The following CPT1A variants were observed in gnomAD, a reference collection of about 807,000 sequenced individuals.
CPT1A encodes carnitine palmitoyltransferase 1A.
Under a neutral mutation model 100.8 loss-of-function variants are expected in CPT1A, and 64 were observed. The ratio of observed to expected loss-of-function variants is 0.63; its 90% CI spans 0.52 to 0.78. The LOEUF (loss-of-function observed/expected upper bound fraction) is 0.78. CPT1A is among the 30% of genes least tolerant of loss of function. CPT1A has a pLI of 0.00. For missense variants in CPT1A, 802 were observed against 1,034.1 expected (o/e 0.78, Z 3.08); for synonymous variants, 363 against 396.0 (o/e 0.92, Z 0.99).
chr11:68,790,279 C>T (rs1432887020), intron 9 of CPT1A, among the ~76,000 whole-genome samples: 1 of 152,086 alleles, frequency 6.6e-6, no homozygotes, highest in East Asian at 1.9e-4. Flanking sequence ...CCATGTTGCC[C>T]AGGCTGCTCT....
rs373839102 is a variant in CPT1A at position 68,795,033 on chromosome 11, C to T, written c.772-122G>A. The T allele has an allele frequency of 1.7e-4, 130 of 760,664 alleles. 1 individual carries two copies. The highest frequency in any genetic ancestry group is 1.6e-3 in the South Asian group (114 of 69,880). The allele number at this position is 760,664 out of a possible 1,614,324, so 47.1% of individuals were successfully genotyped here. A position where few individuals can be genotyped will look rare whatever the true frequency, so the allele number is the denominator to read the frequency against. On this transcript the variant is annotated intron_variant, in intron 7 of 18. Transcript: ENST00000265641. ...AGATGCATCAATATACATACATATTCGGTTACATCTGCAATGCTACAAAAT... is the reference window on the plus strand; with the variant it reads ...AGATGCATCAATATACATACATATTTGGTTACATCTGCAATGCTACAAAAT...
intron 18 of CPT1A, 124 bp from the exon 19 acceptor site, chr11:68,757,854 C>G: frequency 2.5e-6 from 2 of 808,522 alleles, no homozygotes; most frequent in Admixed American, 3.9e-5. Flanking sequence ...TCTCTAAGAT[C>G]TGACCAACGT....
chr11:68,825,741 A>G (rs1856709229), intron 1 of CPT1A, among the ~76,000 whole-genome samples: 1 of 149,074 alleles, frequency 6.7e-6, no homozygotes, highest in Non-Finnish European at 1.5e-5. Context: ...CTCTTCAGGC[A>G]GGAGGCCACA....
chr11:68,807,844 C>T (rs1438225538), intron 3 of CPT1A, among the ~76,000 whole-genome samples: 2 of 152,254 alleles, frequency 1.3e-5, no homozygotes, highest in Admixed American at 6.5e-5. Flanking sequence ...AAACCAATCA[C>T]GCCGAAAGTA....
chr11:68,808,972 T>A, intron 3 of CPT1A, among the ~76,000 whole-genome samples: 1 of 148,550 alleles, frequency 6.7e-6, no homozygotes, highest in Non-Finnish European at 1.5e-5. Flanking sequence ...GAAAATAAAA[T>A]AAGAAATAAA....
In CPT1A at chr11:68,756,386, G is replaced by A. The variant is rs1946694410; in HGVS notation, c.*1258C>T. ...TGCATAATTGCTTTGTGGTCCATGA[G>A]ACGCTTTCGTGAAGGCACTCCTATC... On this transcript the variant is annotated 3_prime_UTR_variant, in exon 19 of 19. Coordinates refer to ENST00000265641, the MANE Select transcript of CPT1A (RefSeq NM_001876.4). 2.0e-5 allele frequency: 3 copies of A among 152,246 alleles called. No individual in the cohort carries two copies. The highest frequency in any genetic ancestry group is 4.1e-4 in the South Asian group (2 of 4,832). The allele number at this position is 152,246 out of a possible 1,614,324, so 9.4% of individuals were successfully genotyped here.
rs758993293 is a variant in CPT1A, at chr11:68,803,994, A to G, written c.555+6T>C. 25 of 1,609,054 alleles carry G rather than the reference A, an allele frequency of 1.6e-5. No homozygotes were observed. The highest frequency in any genetic ancestry group is 2.0e-5 in the Non-Finnish European group (24 of 1,175,492). On this transcript the variant is annotated splice_donor_region_variant and intron_variant, in intron 5 of 18. Transcript: ENST00000265641. Reference sequence around the variant, plus strand: ...CATTTCAGTGTGAGGCCTAAGCCACACCTACCCTGTTCACAGTGTCTTTGA... The same window carrying G: ...CATTTCAGTGTGAGGCCTAAGCCACGCCTACCCTGTTCACAGTGTCTTTGA...
intron 1 of CPT1A, among the ~76,000 whole-genome samples, chr11:68,824,893 G>A (rs1371155211): frequency 6.7e-6 from 1 of 149,838 alleles, no homozygotes; most frequent in Non-Finnish European, 1.5e-5. Flanking sequence ...TTGCCTCCCG[G>A]GTTCAAGCAA....
rs943580439 is a variant in CPT1A at position 68,783,196 on chromosome 11, C to T, written c.1164-1237G>A. Among the ~76,000 whole-genome samples, 13 of 152,284 alleles carry T rather than the reference C, an allele frequency of 8.5e-5. No individual in the cohort carries two copies. In the East Asian group the frequency reaches 2.5e-3, roughly 29 times the overall value. On this transcript the variant is annotated intron_variant, in intron 10 of 18. Coordinates refer to ENST00000265641, the MANE Select transcript of CPT1A (RefSeq NM_001876.4). ...TTTCAGGCCCTCACTACTTGGGCCA[C>T]CGAAAAGCATCCCTGTGTCCAGGGC...
chr11:68,775,361 C>CGGATTGATGT lies in CPT1A; in HGVS notation c.1520_1529dup (p.Asn511HisfsTer49). On this transcript the variant is annotated frameshift_variant, in exon 13 of 19. Transcript: ENST00000265641. LOFTEE classifies it high-confidence loss of function. ...GCAGCCTGGTGGGGTACGGAATGTT[C>CGGATTGATGT]GGATTGATGTCGCCTTTGCAGTGCC... 1 of 1,614,206 alleles carries CGGATTGATGT rather than the reference C, an allele frequency of 6.2e-7. No individual in the cohort carries two copies. The highest frequency in any genetic ancestry group is 2.2e-5 in the East Asian group (1 of 44,890).
intron 1 of CPT1A, among the ~76,000 whole-genome samples, chr11:68,821,275 C>T (rs1364701418): frequency 6.6e-6 from 1 of 152,254 alleles, no homozygotes; most frequent in East Asian, 1.9e-4. Flanking sequence ...GCCTCAGCCT[C>T]CTGAGTAGCT....
intron 12 of CPT1A, among the ~76,000 whole-genome samples, chr11:68,778,942 C>T (rs1283828982): frequency 3.3e-5 from 5 of 151,956 alleles, no homozygotes; most frequent in South Asian, 2.1e-4. Context: ...CCAGCCACCA[C>T]GCCCGGCTAA....
chr11:68,832,406 C>A (rs549775765), intron 1 of CPT1A, among the ~76,000 whole-genome samples: 1 of 152,258 alleles, frequency 6.6e-6, no homozygotes, highest in African/African-American at 2.4e-5. Flanking sequence ...GCCAAGATTG[C>A]ACCACTGCAC....
chr11:68,776,634 T>A (rs2085063), intron 12 of CPT1A, among the ~76,000 whole-genome samples: 1 of 151,908 alleles, frequency 6.6e-6, no homozygotes, highest in East Asian at 1.9e-4. Context: ...ATCCTAGCAC[T>A]TTGGGAGGCC....
At chr11:68,806,191 G>A (rs1856041224) in intron 4 of CPT1A, among the ~76,000 whole-genome samples, 1 of 151,870 alleles carries the variant, frequency 6.6e-6, no homozygotes, top group South Asian at 2.1e-4. Context: ...AATTTGCCTG[G>A]CTAATTTTTG....
At chr11:68,807,924 C>T (rs1031133986) in intron 3 of CPT1A, among the ~76,000 whole-genome samples, 1 of 152,246 alleles carries the variant, frequency 6.6e-6, no homozygotes, top group East Asian at 1.9e-4. Context: ...GCCCGATCTG[C>T]TCGGGTGGCC....
chr11:68,796,738 T>G lies in CPT1A; in HGVS notation c.771+118A>C, dbSNP rs553006636. On this transcript the variant is annotated intron_variant, in intron 7 of 18. Transcript: ENST00000265641. ...CCTGGAAGCAGGACAGAGAGGAGCA[T>G]GAGCCAATCCCCAGAGTTTTCCCAG... is the stretch of plus-strand genomic sequence containing the variant. 5.1e-5 allele frequency: 49 copies of G among 957,690 alleles called. No individual in the cohort carries two copies. In the South Asian group the frequency reaches 5.8e-4, roughly 11 times the overall value. 59.3% of individuals were successfully genotyped at this position (957,690 alleles called of 1,614,324 possible). A position where few individuals can be genotyped will look rare whatever the true frequency, so the allele number is the denominator to read the frequency against.
chr11:68,758,197 G>A (rs531514166), intron 18 of CPT1A, among the ~76,000 whole-genome samples: 1 of 151,692 alleles, frequency 6.6e-6, no homozygotes, highest in Middle Eastern at 3.4e-3. Flanking sequence ...GAGCCCAGGA[G>A]GCTGAAGCTG....
intron 15 of CPT1A, among the ~76,000 whole-genome samples, chr11:68,762,278 C>T (rs998249771): frequency 6.6e-6 from 1 of 152,214 alleles, no homozygotes; most frequent in Admixed American, 6.5e-5. Flanking sequence ...GCGACAGTCA[C>T]AGCTCACCTA....
Sources: gnomAD v4.1 joint callset for allele counts (sites outside exome capture counted in the v4.1 genomes callset) on GRCh38, gnomAD v4.1.1 for gene constraint, MANE v1.5 for transcripts, NCBI Gene and HGNC (gene_info 2026-07-23, HGNC 2026-07-21) for gene names.